PCDHA1: variants seen among roughly 807,000 people sequenced by gnomAD.
The protein encoded by PCDHA1 is protocadherin alpha-1.
In PCDHA1, 42 loss-of-function variants were observed where a neutral mutation model predicts 61.3. That is an observed-to-expected ratio of 0.69 (90% CI 0.54 to 0.89). The LOEUF is 0.89. Ranked by LOEUF, PCDHA1 falls within the 40% of genes least tolerant of loss-of-function variation. The pLI, the probability that PCDHA1 is intolerant of heterozygous loss-of-function variation, is 0.00. For synonymous variants in PCDHA1, 610 were observed against 553.8 expected (o/e 1.10, Z -1.43); for missense variants, 1,256 against 1,235.3 (o/e 1.02, Z -0.25).
chr5:140,945,560 C>T (rs1321626108), intron 1 of PCDHA1, among the ~76,000 whole-genome samples: 3 of 151,960 alleles, frequency 2.0e-5, no homozygotes, highest in Non-Finnish European at 2.9e-5. Context: ...AAGCTGAAGA[C>T]ATCATACTAC....
At chr5:140,815,440 T>G (rs1765727094) in intron 1 of PCDHA1, 1 of 152,156 alleles carries the variant, frequency 6.6e-6, no homozygotes, top group Non-Finnish European at 1.5e-5. Context: ...GCATCTTTAC[T>G]ACAATCACAA....
At chr5:140,823,461 G>A in intron 1 of PCDHA1, 1 of 1,613,442 alleles carries the variant, frequency 6.2e-7, no homozygotes. Flanking sequence ...ACAACGCGCC[G>A]GCGCTGCTGG....
intron 1 of PCDHA1, among the ~76,000 whole-genome samples, chr5:140,886,184 G>T (rs894479887): frequency 6.6e-6 from 1 of 151,966 alleles, no homozygotes; most frequent in Admixed American, 6.6e-5. Flanking sequence ...GCCTAATGCT[G>T]GCAAGCAGTA....
chr5:140,877,592 T>G, intron 1 of PCDHA1: 1 of 1,613,812 alleles, frequency 6.2e-7, no homozygotes, highest in South Asian at 1.1e-5. Flanking sequence ...ATCTGTGCGG[T>G]GTCCAGCCTG....
At chr5:140,807,132 T>C in intron 1 of PCDHA1, 3 of 1,559,298 alleles carry the variant, frequency 1.9e-6, no homozygotes, top group Non-Finnish European at 1.7e-6. Context: ...GATTAAAAGA[T>C]TTCCCTTGAC....
intron 1 of PCDHA1, among the ~76,000 whole-genome samples, chr5:140,888,278 C>G (rs1204327118): frequency 2.0e-5 from 3 of 151,932 alleles, no homozygotes; most frequent in African/African-American, 7.3e-5. Flanking sequence ...CAGTTTTGTC[C>G]CCTCTACCCC....
chr5:140,829,713 G>A (rs2150173185), intron 1 of PCDHA1: 2 of 1,613,488 alleles, frequency 1.2e-6, no homozygotes, highest in South Asian at 1.1e-5. Flanking sequence ...CGCGACGCGG[G>A]CGTGCCGCCT....
At chr5:140,851,728 C>A in intron 1 of PCDHA1, 1 of 969,738 alleles carries the variant, frequency 1.0e-6, no homozygotes, top group Non-Finnish European at 1.2e-6. Context: ...ACTTCGAGTT[C>A]TTTTGAAATT....
chr5:140,876,236 T>C (rs782328225), intron 1 of PCDHA1: 24 of 1,613,974 alleles, frequency 1.5e-5, no homozygotes, highest in Non-Finnish European at 1.4e-5. Flanking sequence ...TCTGAAAATG[T>C]CCAAAACGAC....
At chr5:141,003,221 G>A (rs2098116088) in intron 3 of PCDHA1, among the ~76,000 whole-genome samples, 1 of 152,206 alleles carries the variant, frequency 6.6e-6, no homozygotes, top group Admixed American at 6.5e-5. Flanking sequence ...GCATGAAAGA[G>A]GAAAGCTGGA....
At chr5:140,927,575 A>G (rs782237037) in intron 1 of PCDHA1, 1 of 1,614,202 alleles carries the variant, frequency 6.2e-7, no homozygotes, top group South Asian at 1.1e-5. Context: ...GACACAAATG[A>G]CAACGCGCCT....
chr5:140,876,819 C>G (rs781959784), intron 1 of PCDHA1: 4 of 1,614,180 alleles, frequency 2.5e-6, no homozygotes, highest in Non-Finnish European at 3.4e-6. Context: ...CCGACGTGAA[C>G]GACAATGCGC....
chr5:140,860,946 C>A (rs1196605227), intron 1 of PCDHA1: 8 of 152,212 alleles, frequency 5.3e-5, no homozygotes, highest in African/African-American at 1.9e-4. Context: ...ACCGTGTTAG[C>A]CAGGATGGTC....
intron 1 of PCDHA1, among the ~76,000 whole-genome samples, chr5:140,946,757 C>T (rs1179265601): frequency 6.6e-6 from 1 of 151,268 alleles, no homozygotes; most frequent in Non-Finnish European, 1.5e-5. Context: ...ACTGCATGAT[C>T]TCATTCATGT....
intron 1 of PCDHA1, among the ~76,000 whole-genome samples, chr5:140,932,592 T>C (rs1435571468): frequency 7.2e-5 from 11 of 151,922 alleles, no homozygotes; most frequent in Non-Finnish European, 2.9e-5. Context: ...AGATGTTTTG[T>C]ATATCTATTT....
At chr5:140,949,657 T>G (rs908826690) in intron 1 of PCDHA1, among the ~76,000 whole-genome samples, 2 of 151,876 alleles carry the variant, frequency 1.3e-5, no homozygotes, top group Non-Finnish European at 3.0e-5. Flanking sequence ...TTTACTTTTG[T>G]TTCTTTAAAG....
intron 1 of PCDHA1, chr5:140,807,743 G>A (rs1383891964): frequency 6.2e-7 from 1 of 1,614,054 alleles, no homozygotes. Context: ...ACCACCTGAT[G>A]ACGAGCTGGT....
At chr5:140,857,602 G>A in intron 1 of PCDHA1, 2 of 1,596,382 alleles carry the variant, frequency 1.3e-6, no homozygotes, top group Non-Finnish European at 8.6e-7. Context: ...AGGTGTACGC[G>A]CTGCAGCCGC....
At position 141,011,769 on chromosome 5, in the gene PCDHA1, A is replaced by C. The variant is rs2098421803; in HGVS notation, c.*1832A>C. 1 of 153,794 alleles carries C rather than the reference A, an allele frequency of 6.5e-6. No homozygotes were observed. The highest frequency in any genetic ancestry group is 1.5e-5 in the Non-Finnish European group (1 of 68,040). 9.5% of individuals were successfully genotyped at this position (153,794 alleles called of 1,614,324 possible). On this transcript the variant is annotated 3_prime_UTR_variant, in exon 4 of 4. Coordinates refer to ENST00000504120, the MANE Select transcript of PCDHA1 (RefSeq NM_018900.4). ...AATCTGACCTCTTTGAAGTTGCAGA[A>C]TGCTTTGAAATTCTAATGGTATCTG... is the stretch of plus-strand genomic sequence containing the variant.
Sources: gnomAD v4.1 joint callset for allele counts (sites outside exome capture counted in the v4.1 genomes callset) on GRCh38, gnomAD v4.1.1 for gene constraint, MANE v1.5 for transcripts, NCBI Gene and HGNC (gene_info 2026-07-23, HGNC 2026-07-21) for gene names.